The following ZMYND8 variants were observed in gnomAD, a reference collection of about 807,000 sequenced individuals.
The protein encoded by ZMYND8 is MYND-type zinc finger-containing chromatin reader ZMYND8.
In ZMYND8, 37 loss-of-function variants were observed where a neutral mutation model predicts 140.8. The observed-to-expected ratio is 0.26, with a 90% CI of 0.20 to 0.35. The LOEUF (loss-of-function observed/expected upper bound fraction) is 0.35, where lower values mean the gene tolerates loss of function less well. ZMYND8 is among the 10% of genes least tolerant of loss of function. The pLI is 1.00. For synonymous variants in ZMYND8, 592 were observed against 597.1 expected (o/e 0.99, Z 0.12); for missense variants, 1,068 against 1,570.0 (o/e 0.68, Z 5.40).
chr20:47,282,770 AT>A (rs1341809586), intron 9 of ZMYND8, among the ~76,000 whole-genome samples: 1 of 151,836 alleles, frequency 6.6e-6, no homozygotes, highest in Non-Finnish European at 1.5e-5. Flanking sequence ...CCAGGGTTGG[AT>A]TCTAGCTGTA....
Position 47,298,136 on chromosome 20 carries a change from T to A in ZMYND8, c.453+593A>T, listed in dbSNP as rs556436188. 2.3e-6 allele frequency: 1 copy of A among 438,184 alleles called. No individual in the cohort carries two copies. The highest frequency in any genetic ancestry group is 9.6e-5 in the South Asian group (1 of 10,424). The allele number at this position is 438,184 out of a possible 1,614,324, so 27.1% of individuals were successfully genotyped here. A position where few individuals can be genotyped will look rare whatever the true frequency, so the allele number is the denominator to read the frequency against. On this transcript the variant is annotated intron_variant, in intron 4 of 22. Transcript: ENST00000471951. This position sits in a 1 kb window ranked among gnomAD's most constrained non-coding sequence, Gnocchi z 5.0. ...TTCTTCACAGCACTTTTCTTTTAAT[T>A]CATTATATGGAACTTTATTTATTTT... is the stretch of plus-strand genomic sequence containing the variant.
chr20:47,264,353 T>C (rs1282300950), intron 11 of ZMYND8, among the ~76,000 whole-genome samples: 1 of 152,224 alleles, frequency 6.6e-6, no homozygotes, highest in Non-Finnish European at 1.5e-5. Context: ...CTCGGCTCAC[T>C]GCAACCTCTG....
intron 11 of ZMYND8, among the ~76,000 whole-genome samples, chr20:47,268,431 T>C (rs909386799): frequency 4.6e-5 from 7 of 150,978 alleles, no homozygotes; most frequent in Non-Finnish European, 7.4e-5. Context: ...GTAGCTGGGA[T>C]TACAGGCGCC....
At chr20:47,222,113 G>A (rs1238698613) in intron 19 of ZMYND8, among the ~76,000 whole-genome samples, 1 of 152,216 alleles carries the variant, frequency 6.6e-6, no homozygotes, top group Non-Finnish European at 1.5e-5. Flanking sequence ...TTTCTAGGTG[G>A]AGACCTATAT....
intron 12 of ZMYND8, among the ~76,000 whole-genome samples, chr20:47,253,424 C>T (rs2074343724): frequency 6.6e-6 from 1 of 151,720 alleles, no homozygotes; most frequent in Non-Finnish European, 1.5e-5. Context: ...GTAATCCCAG[C>T]TGCTTCGGAA....
At chr20:47,270,370 T>C (rs1408035365) in intron 11 of ZMYND8, among the ~76,000 whole-genome samples, 3 of 59,600 alleles carry the variant, frequency 5.0e-5, no homozygotes, top group African/African-American at 2.4e-4. Context: ...TGAAACTCCA[T>C]CTCAAAAAAA....
chr20:47,287,102 G>A, intron 8 of ZMYND8, 127 bp downstream of exon 8: 1 of 734,288 alleles, frequency 1.4e-6, no homozygotes, highest in Non-Finnish European at 2.4e-6. Flanking sequence ...TGAAGAGTAG[G>A]GGTGTGGCCT....
chr20:47,315,626 C>T (rs1347006139), intron 2 of ZMYND8, among the ~76,000 whole-genome samples: 1 of 152,130 alleles, frequency 6.6e-6, no homozygotes, highest in Non-Finnish European at 1.5e-5. Flanking sequence ...CATAAGGACC[C>T]TTTCCAGAAA....
At chr20:47,255,650 CATAT>C (rs1405137219) in intron 12 of ZMYND8, among the ~76,000 whole-genome samples, 4 of 118,212 alleles carry the variant, frequency 3.4e-5, no homozygotes, top group Admixed American at 9.3e-5. Flanking sequence ...ATACCATATA[CATAT>C]ACTCAGTATA....
At chr20:47,224,597 C>T in intron 18 of ZMYND8, 41 bp from the exon 19 acceptor site, 2 of 1,606,874 alleles carry the variant, frequency 1.2e-6, no homozygotes, top group Non-Finnish European at 1.7e-6. Flanking sequence ...CACCTGACCC[C>T]AGCCTGGGGT....
intron 2 of ZMYND8, among the ~76,000 whole-genome samples, chr20:47,342,440 G>A (rs991030326): frequency 4.7e-5 from 7 of 148,838 alleles, no homozygotes; most frequent in South Asian, 2.1e-4. Flanking sequence ...CCAGTTACTC[G>A]GGAGGCTGAG....
intron 2 of ZMYND8, among the ~76,000 whole-genome samples, chr20:47,316,117 G>C (rs948058775): frequency 1.3e-5 from 2 of 152,120 alleles, no homozygotes; most frequent in African/African-American, 4.8e-5. Context: ...CAGATCACAA[G>C]GTCAGGAGTT....
At chr20:47,250,342 G>T (rs2074069473) in intron 12 of ZMYND8, among the ~76,000 whole-genome samples, 1 of 152,140 alleles carries the variant, frequency 6.6e-6, no homozygotes, top group Non-Finnish European at 1.5e-5. Context: ...AACTCTGCAG[G>T]TGGGGCCTAC....
Position 47,276,492 on chromosome 20 carries a change from A to G in ZMYND8, c.1302T>C (p.Pro434=). 2 of 1,613,998 alleles carry G rather than the reference A, an allele frequency of 1.2e-6. No homozygotes were observed. The highest frequency in any genetic ancestry group is 1.7e-6 in the Non-Finnish European group (2 of 1,180,010). ...GGCGGCCTGTGCCCCCACTCAGCAC[A>G]GGCTTGCTCATCAGGATCTTGGGGG... The part of the protein sequence containing the change: ...TASPKILMSK[P]VLSGGTGRRI... The change falls in exon 11 of 23, where the codon CCT becomes CCC. Residue 434 remains proline (P), a synonymous_variant. Coordinates refer to ENST00000471951, the MANE Select transcript of ZMYND8 (RefSeq NM_001281775.3).
intron 21 of ZMYND8, among the ~76,000 whole-genome samples, chr20:47,217,880 C>G (rs2036353407): frequency 1.3e-5 from 2 of 150,672 alleles, no homozygotes; most frequent in African/African-American, 4.9e-5. Context: ...TCGCCCCCCT[C>G]TTCCCCCCAC....
intron 3 of ZMYND8, among the ~76,000 whole-genome samples, chr20:47,309,647 A>C (rs1440263670): frequency 2.0e-5 from 3 of 152,126 alleles, no homozygotes; most frequent in Admixed American, 6.5e-5. Flanking sequence ...CTGAGGCCAG[A>C]AGGGAACTTG....
intron 11 of ZMYND8, among the ~76,000 whole-genome samples, chr20:47,268,882 A>G (rs945491077): frequency 6.6e-6 from 1 of 152,190 alleles, no homozygotes; most frequent in African/African-American, 2.4e-5. Flanking sequence ...GTGCTTGCTA[A>G]AAGAGTGATT....
At chr20:47,239,673 T>G (rs1053498172) in intron 14 of ZMYND8, among the ~76,000 whole-genome samples, 1 of 152,308 alleles carries the variant, frequency 6.6e-6, no homozygotes, top group Non-Finnish European at 1.5e-5. Flanking sequence ...AGTATTCTTT[T>G]CATCTCTTCT....
At chr20:47,302,422 A>G (rs2078125121) in intron 3 of ZMYND8, among the ~76,000 whole-genome samples, 1 of 152,148 alleles carries the variant, frequency 6.6e-6, no homozygotes, top group Non-Finnish European at 1.5e-5. Context: ...ACACCACTGC[A>G]CTCCAGCCTG....
Sources: gnomAD v4.1 joint callset for allele counts (sites outside exome capture counted in the v4.1 genomes callset) on GRCh38, gnomAD v4.1.1 for gene constraint, Gnocchi (gnomAD v3.1) non-coding constraint, MANE v1.5 for transcripts, NCBI Gene and HGNC (gene_info 2026-07-23, HGNC 2026-07-21) for gene names.